Variants in RASAL2 observed in about 807,000 individuals in gnomAD.
RASAL2 encodes the protein RAS protein activator like 2, also known as ras GTPase-activating protein nGAP.
In RASAL2, 58 loss-of-function variants were observed where a neutral mutation model predicts 128.9. That is an observed-to-expected ratio of 0.45 (90% confidence interval 0.36 to 0.56). The LOEUF is 0.56. RASAL2 is among the 20% of genes least tolerant of loss of function. The pLI is 0.00. For synonymous variants in RASAL2, 561 were observed against 580.8 expected (o/e 0.97, Z 0.49); for missense variants, 1,360 against 1,601.6 (o/e 0.85, Z 2.57).
intron 3 of RASAL2, among the ~76,000 whole-genome samples, chr1:178,383,144 G>T (rs985051406): frequency 6.6e-6 from 1 of 152,114 alleles, no homozygotes; most frequent in African/African-American, 2.4e-5. Context: ...TGGGGAGACT[G>T]GATGGCTTTA....
At chr1:178,224,788 A>G (rs1310700427) in intron 1 of RASAL2, among the ~76,000 whole-genome samples, 3 of 152,174 alleles carry the variant, frequency 2.0e-5, no homozygotes, top group Admixed American at 6.5e-5. Context: ...ACAACAGACT[A>G]TGTCTAAGCT....
chr1:178,266,900 T>C (rs1287478382), intron 1 of RASAL2, among the ~76,000 whole-genome samples: 1 of 152,068 alleles, frequency 6.6e-6, no homozygotes. Context: ...GCCAGGCACA[T>C]GTGGGGGCAA....
chr1:178,191,489 G>T (rs1356661686), intron 1 of RASAL2, among the ~76,000 whole-genome samples: 1 of 152,174 alleles, frequency 6.6e-6, no homozygotes, highest in Non-Finnish European at 1.5e-5. Flanking sequence ...CCTGGTAACA[G>T]TTTGTGGATC....
intron 3 of RASAL2, among the ~76,000 whole-genome samples, chr1:178,313,444 T>A (rs1353581017): frequency 6.6e-6 from 1 of 152,180 alleles, no homozygotes; most frequent in Non-Finnish European, 1.5e-5. Context: ...TATTGCTGTT[T>A]GTTTTAACAA....
chr1:178,110,183 G>A (rs1659243133), intron 1 of RASAL2, among the ~76,000 whole-genome samples: 1 of 152,026 alleles, frequency 6.6e-6, no homozygotes, highest in Admixed American at 6.6e-5. Context: ...GCATCCCTTT[G>A]TAATTCCCCC....
chr1:178,167,695 C>T (rs1661564481), intron 1 of RASAL2, among the ~76,000 whole-genome samples: 1 of 152,014 alleles, frequency 6.6e-6, no homozygotes, highest in South Asian at 2.1e-4. Context: ...TATATTTTAT[C>T]CATTGATGAC....
intron 11 of RASAL2, among the ~76,000 whole-genome samples, chr1:178,454,003 A>G (rs1277883916): frequency 1.3e-5 from 2 of 152,094 alleles, no homozygotes; most frequent in African/African-American, 2.4e-5. Context: ...GCAGATAGCT[A>G]GAATCTAGAT....
chr1:178,224,771 G>A (rs1446481870), intron 1 of RASAL2, among the ~76,000 whole-genome samples: 1 of 152,114 alleles, frequency 6.6e-6, no homozygotes, highest in African/African-American at 2.4e-5. Context: ...TCATAAAATA[G>A]GAAGTGACAA....
chr1:178,467,886 A>G (rs1647900923), intron 17 of RASAL2, among the ~76,000 whole-genome samples: 1 of 152,162 alleles, frequency 6.6e-6, no homozygotes, highest in South Asian at 2.1e-4. Context: ...GTAAAAAGGT[A>G]CCTTTCCTTG....
chr1:178,113,098 T>A (rs1426603266), intron 1 of RASAL2, among the ~76,000 whole-genome samples: 1 of 152,196 alleles, frequency 6.6e-6, no homozygotes, highest in Non-Finnish European at 1.5e-5. Flanking sequence ...TAGCACCATT[T>A]GTTGAAAAAA....
chr1:178,211,655 A>G (rs1663260701), intron 1 of RASAL2, among the ~76,000 whole-genome samples: 1 of 151,934 alleles, frequency 6.6e-6, no homozygotes, highest in Admixed American at 6.6e-5. Flanking sequence ...TATACCCTCA[A>G]ACTCTATCCC....
chr1:178,331,072 A>G (rs977193850), intron 3 of RASAL2, among the ~76,000 whole-genome samples: 1 of 152,236 alleles, frequency 6.6e-6, no homozygotes. Context: ...AGTAAATGGC[A>G]TAGCTGGAAT....
chr1:178,124,251 T>C (rs1659813022), intron 1 of RASAL2, among the ~76,000 whole-genome samples: 1 of 152,146 alleles, frequency 6.6e-6, no homozygotes, highest in African/African-American at 2.4e-5. Context: ...GAGTGGTAGT[T>C]CTCAGCCTAG....
At chr1:178,459,675 C>G (rs1678038684) in intron 14 of RASAL2, among the ~76,000 whole-genome samples, 1 of 152,086 alleles carries the variant, frequency 6.6e-6, no homozygotes, top group Non-Finnish European at 1.5e-5. Flanking sequence ...TTTATAGAAT[C>G]CTTGGATACA....
chr1:178,293,553 C>T (rs915466556), intron 2 of RASAL2, among the ~76,000 whole-genome samples: 1 of 152,162 alleles, frequency 6.6e-6, no homozygotes, highest in African/African-American at 2.4e-5. Context: ...TTGTTCCATC[C>T]CTTTTCTCCC....
At chr1:178,171,633 C>T (rs1661709070) in intron 1 of RASAL2, among the ~76,000 whole-genome samples, 1 of 151,882 alleles carries the variant, frequency 6.6e-6, no homozygotes, top group Non-Finnish European at 1.5e-5. Context: ...GTTCTTTATC[C>T]AGTACTTAAT....
intron 1 of RASAL2, among the ~76,000 whole-genome samples, chr1:178,189,815 G>T (rs1371225230): frequency 1.3e-5 from 2 of 151,976 alleles, no homozygotes; most frequent in African/African-American, 4.8e-5. Context: ...TCTATCTTTT[G>T]CAATGTATAT....
At chr1:178,374,932 A>C (rs1230860169) in intron 3 of RASAL2, among the ~76,000 whole-genome samples, 1 of 152,172 alleles carries the variant, frequency 6.6e-6, no homozygotes, top group Non-Finnish European at 1.5e-5. Context: ...GTATAAGAAA[A>C]AGCTGCTTGT....
At chr1:178,116,567 A>G (rs1659525031) in intron 1 of RASAL2, among the ~76,000 whole-genome samples, 1 of 152,144 alleles carries the variant, frequency 6.6e-6, no homozygotes, top group Non-Finnish European at 1.5e-5. Context: ...CTTCAGTTAA[A>G]TATGAATCTT....
Sources: gnomAD v4.1 joint callset for allele counts (sites outside exome capture counted in the v4.1 genomes callset) on GRCh38, gnomAD v4.1.1 for gene constraint, MANE v1.5 for transcripts, NCBI Gene and HGNC (gene_info 2026-07-23, HGNC 2026-07-21) for gene names.